Variants in RIMBP2 observed in about 807,000 individuals in gnomAD.
RIMBP2 encodes RIMS-binding protein 2.
In RIMBP2, 48 loss-of-function variants were observed where a neutral mutation model predicts 118.6. The observed-to-expected ratio is 0.40, with a 90% CI of 0.32 to 0.51. RIMBP2 has a LOEUF of 0.51. Among genes scored for constraint, RIMBP2 ranks in the 20% least tolerant of loss-of-function variants. RIMBP2 has a pLI of 0.41. For missense variants in RIMBP2, 1,551 were observed against 1,768.3 expected (o/e 0.88, Z 2.20); for synonymous variants, 762 against 742.9 (o/e 1.03, Z -0.42).
At chr12:130,404,101 T>C (rs2074917102) in intron 21 of RIMBP2, among the ~76,000 whole-genome samples, 1 of 152,134 alleles carries the variant, frequency 6.6e-6, no homozygotes. Context: ...ATTATAAATA[T>C]TGGTGAAGAG....
rs2065064737 is a variant in RIMBP2 at position 130,686,717 on chromosome 12, T to G, written c.-352+29505A>C. On this transcript the variant is annotated intron_variant, in intron 1 of 22. Transcript: ENST00000690449. Reference sequence around the variant, plus strand: ...CACCAGCAGGAGCGAGGCCGTGTCTTCCAACTCCCTCGACAGGCGTGAGGG... The same window carrying G: ...CACCAGCAGGAGCGAGGCCGTGTCTGCCAACTCCCTCGACAGGCGTGAGGG... Among the ~76,000 whole-genome samples, 4 of 152,314 alleles carry G rather than the reference T, an allele frequency of 2.6e-5. No individual in the cohort carries two copies. In the South Asian group the frequency reaches 8.3e-4, roughly 32 times the overall value.
intron 1 of RIMBP2, among the ~76,000 whole-genome samples, chr12:130,702,522 A>C (rs1361939558): frequency 6.7e-6 from 1 of 150,374 alleles, no homozygotes; most frequent in African/African-American, 2.5e-5. Flanking sequence ...TCTCAAAAAA[A>C]AAATAAAAAA....
rs1191919397 is a variant in RIMBP2 at position 130,422,634 on chromosome 12, A to C, written c.3130-73T>G. ...ACTGAAGAATTCAGTTAGCCAAATC[A>C]AGCGGGTTGAAAAGCAGAATCTGTA... On this transcript the variant is annotated intron_variant, in intron 16 of 22. Transcript: ENST00000690449. This position sits in a 1 kb window ranked among gnomAD's most constrained non-coding sequence, Gnocchi z 5.2. The C allele has an allele frequency of 5.4e-6, 6 of 1,107,140 alleles. No homozygotes were observed. The East Asian group carries it at 1.5e-4, about 29-fold the overall frequency. 68.6% of individuals were successfully genotyped at this position (1,107,140 alleles called of 1,614,324 possible).
intron 12 of RIMBP2, 33 bp from the exon 13 acceptor site, chr12:130,437,324 C>T (rs2077601771): frequency 1.3e-6 from 2 of 1,528,634 alleles, no homozygotes; most frequent in Non-Finnish European, 1.8e-6. Flanking sequence ...CGCGGGCTGC[C>T]CGAGGTGAGC....
At chr12:130,448,646 T>C (rs942398605) in intron 9 of RIMBP2, among the ~76,000 whole-genome samples, 2 of 152,246 alleles carry the variant, frequency 1.3e-5, no homozygotes, top group African/African-American at 4.8e-5. Flanking sequence ...CCCCGCCAAC[T>C]GTGGCCCTGT....
At chr12:130,690,219 C>T (rs750371391) in intron 1 of RIMBP2, among the ~76,000 whole-genome samples, 4 of 152,120 alleles carry the variant, frequency 2.6e-5, no homozygotes, top group African/African-American at 4.8e-5. Flanking sequence ...TTCTCCCAGG[C>T]GGCCTCCCTT....
At chr12:130,484,438 C>T (rs1449810298) in intron 4 of RIMBP2, among the ~76,000 whole-genome samples, 2 of 152,206 alleles carry the variant, frequency 1.3e-5, no homozygotes, top group African/African-American at 4.8e-5. Flanking sequence ...CCGCCCGGCC[C>T]CTCCTGGATA....
chr12:130,517,443 A>C (rs1474972368), intron 3 of RIMBP2, among the ~76,000 whole-genome samples: 3 of 152,160 alleles, frequency 2.0e-5, no homozygotes, highest in African/African-American at 7.2e-5. Context: ...AGACTTGAGC[A>C]GGGAGTTAGA....
At chr12:130,547,441 G>A (rs1052683637) in intron 2 of RIMBP2, among the ~76,000 whole-genome samples, 7 of 152,290 alleles carry the variant, frequency 4.6e-5, no homozygotes, top group Non-Finnish European at 7.3e-5. Flanking sequence ...TCTCACTATC[G>A]TATTTTATAA....
At chr12:130,607,579 G>A (rs1297792501) in intron 2 of RIMBP2, among the ~76,000 whole-genome samples, 1 of 151,754 alleles carries the variant, frequency 6.6e-6, no homozygotes. Context: ...AGTTTCTCAG[G>A]GACAGGCATG....
intron 1 of RIMBP2, among the ~76,000 whole-genome samples, chr12:130,667,058 AAGG>A (rs1566441150): frequency 1.6e-5 from 1 of 64,124 alleles, no homozygotes; most frequent in Admixed American, 1.3e-4. Flanking sequence ...GGAGGGAGAA[AAGG>A]AAGAAGGGAG....
At position 130,710,356 on chromosome 12, in the gene RIMBP2, C is replaced by T. The variant is rs759418423; in HGVS notation, c.-352+5866G>A. ...TCAGCCATTGGAACCCTCTGCTGGG[C>T]ACTCCATCAGGGCAGCTGTCTCTGG... On this transcript the variant is annotated intron_variant, in intron 1 of 22. Transcript: ENST00000690449. This position sits in a 1 kb window ranked among gnomAD's most constrained non-coding sequence, Gnocchi z 4.3. Among the ~76,000 whole-genome samples, 25 of 152,116 alleles carry T rather than the reference C, an allele frequency of 1.6e-4. No homozygotes were observed. The highest frequency in any genetic ancestry group is 2.9e-4 in the Non-Finnish European group (20 of 68,008).
chr12:130,628,945 A>G (rs2061814486), intron 1 of RIMBP2, among the ~76,000 whole-genome samples: 1 of 152,200 alleles, frequency 6.6e-6, no homozygotes, highest in Non-Finnish European at 1.5e-5. Context: ...TAATAAAAAT[A>G]AATATAAAAA....
chr12:130,638,289 C>T (rs970242275), intron 1 of RIMBP2, among the ~76,000 whole-genome samples: 1 of 152,194 alleles, frequency 6.6e-6, no homozygotes, highest in Non-Finnish European at 1.5e-5. Flanking sequence ...ACTGGAATAA[C>T]TCAACACTTT....
At chr12:130,678,888 G>A (rs1251819658) in intron 1 of RIMBP2, among the ~76,000 whole-genome samples, 1 of 152,200 alleles carries the variant, frequency 6.6e-6, no homozygotes, top group Admixed American at 6.5e-5. Context: ...TAGACCCATA[G>A]TCAGCGGGGG....
chr12:130,712,153 C>A (rs142338569), intron 1 of RIMBP2, among the ~76,000 whole-genome samples: 1 of 152,336 alleles, frequency 6.6e-6, no homozygotes, highest in Non-Finnish European at 1.5e-5. Context: ...CCAGGCATTC[C>A]TGTACGTGTC....
In RIMBP2 at chr12:130,400,123, TCA is replaced by T. The variant is rs576883503; in HGVS notation, c.3766-312_3766-311del. 6.6e-5 allele frequency among the ~76,000 whole-genome samples: 10 copies of T among 152,244 alleles called. No homozygotes were observed. In the East Asian group the frequency reaches 1.6e-3, roughly 24 times the overall value. On this transcript the variant is annotated intron_variant, in intron 21 of 22. Transcript: ENST00000690449. ...TGAAGGAAACACTCCTTGGCAGATCTCATTTAGTGGTTCTCGGGCCTGGCTGA... is the reference window on the plus strand; with the variant it reads ...TGAAGGAAACACTCCTTGGCAGATCTTTTAGTGGTTCTCGGGCCTGGCTGA...
intron 2 of RIMBP2, among the ~76,000 whole-genome samples, chr12:130,571,343 T>C (rs978379756): frequency 2.0e-5 from 3 of 151,102 alleles, no homozygotes; most frequent in African/African-American, 7.3e-5. Flanking sequence ...AGATGTTTAG[T>C]GGTTTTTGAC....
At position 130,438,383 on chromosome 12, in the gene RIMBP2, C is replaced by A. The variant is rs1233845534; in HGVS notation, c.1638G>T (p.Val546=). 5 of 1,251,368 alleles carry A rather than the reference C, an allele frequency of 4.0e-6. No homozygotes were observed. The highest frequency in any genetic ancestry group is 1.2e-5 in the South Asian group (1 of 85,048). The allele number at this position is 1,251,368 out of a possible 1,614,324, so 77.5% of individuals were successfully genotyped here. The part of the protein sequence containing the change: ...SNGANVTGYG[V]YAKGQRVAEV... Reference sequence around the variant, plus strand: ...AACTCACCCTCTGCCCTTTGGCATACACGCCGTAGCCGGTAACGTTTGCGC... The same window carrying A: ...AACTCACCCTCTGCCCTTTGGCATAAACGCCGTAGCCGGTAACGTTTGCGC... Residue 546 remains valine, a synonymous_variant, in exon 12 of 23, where the codon GTG becomes GTT. Coordinates refer to ENST00000690449, the MANE Select transcript of RIMBP2 (RefSeq NM_001393629.1).
Sources: allele counts gnomAD v4.1 joint callset (sites outside exome capture counted in the v4.1 genomes callset), GRCh38; gene constraint gnomAD v4.1.1; non-coding constraint Gnocchi (gnomAD v3.1); transcripts MANE v1.5; gene names NCBI Gene and HGNC (gene_info 2026-07-23, HGNC 2026-07-21).